NOTCH1: variants seen among roughly 807,000 people sequenced by gnomAD.
NOTCH1 encodes notch receptor 1, also known as neurogenic locus notch homolog protein 1.
NOTCH1 carries 37 observed loss-of-function variants against 254.8 expected under a neutral mutation model. That is an observed-to-expected ratio of 0.15 (90% CI 0.11 to 0.19). The LOEUF is 0.19. NOTCH1 is among the 10% of genes least tolerant of loss of function. The pLI, the probability that NOTCH1 is intolerant of heterozygous loss-of-function variation, is 1.00. For missense variants in NOTCH1, 2,972 were observed against 3,708.6 expected (o/e 0.80, Z 5.16); for synonymous variants, 1,731 against 1,618.1 (o/e 1.07, Z -1.68).
intron 16 of NOTCH1, 148 bp downstream of exon 16, chr9:136,511,004 C>A (rs930991511): frequency 1.1e-5 from 15 of 1,415,554 alleles, no homozygotes; most frequent in Admixed American, 1.8e-5. Flanking sequence ...CAGGTCAATT[C>A]CTGATTCCAG....
At position 136,506,951 on chromosome 9, in the gene NOTCH1, C is replaced by A; in HGVS notation, c.3666G>T (p.Val1222=). Residue 1222 remains valine (V), a synonymous_variant, in exon 23 of 34, where the codon GTG becomes GTT. Coordinates refer to ENST00000651671, the MANE Select transcript of NOTCH1 (RefSeq NM_017617.5). The surrounding 1 kb of genome is among the most constrained non-coding windows in gnomAD (Gnocchi z 4.5). ...GTQGVHCEIN[V]DDCNPPVDPV... ...GGTCAACGGGGGGATTGCAGTCGTC[C>A]ACGTTGATCTCACAGTGCACACCTG... The A allele has an allele frequency of 6.2e-7, 1 of 1,609,638 alleles. No homozygotes were observed. The highest frequency in any genetic ancestry group is 8.5e-7 in the Non-Finnish European group (1 of 1,178,772).
intron 2 of NOTCH1, 75 bp downstream of exon 2, chr9:136,543,949 T>C: frequency 2.2e-6 from 3 of 1,351,626 alleles, no homozygotes; most frequent in Admixed American, 3.9e-5. Flanking sequence ...CCTAGTGTTC[T>C]GTCCCCTGCG....
intron 2 of NOTCH1, among the ~76,000 whole-genome samples, chr9:136,534,986 CGTCCCCACAG>C: frequency 8.3e-6 from 1 of 121,154 alleles, no homozygotes. Context: ...CCCCCAAGTC[CGTCCCCACAG>C]AGCCCCCAGT....
intron 33 of NOTCH1, among the ~76,000 whole-genome samples, chr9:136,498,467 G>A (rs1057048292): frequency 4.6e-5 from 7 of 152,274 alleles, no homozygotes; most frequent in East Asian, 3.9e-4. Context: ...CTGCCGCCAC[G>A]CGTGTTCTGG....
At chr9:136,520,883 G>C (rs557865489) in intron 4 of NOTCH1, among the ~76,000 whole-genome samples, 3 of 152,334 alleles carry the variant, frequency 2.0e-5, no homozygotes, top group Non-Finnish European at 2.9e-5. Context: ...GGCACACAGT[G>C]GGGGAGAGGG....
At chr9:136,511,124 G>A (rs2133354272) in intron 16 of NOTCH1, 28 bp downstream of exon 16, 1 of 1,612,846 alleles carries the variant, frequency 6.2e-7, no homozygotes, top group Non-Finnish European at 8.5e-7. Flanking sequence ...TCCCATCCCA[G>A]CCCTCACCGG....
In NOTCH1 at chr9:136,505,052, G is replaced by C. The variant is rs1369806007; in HGVS notation, c.4639C>G (p.Gln1547Glu). Residue 1547 changes from glutamine (Q) to glutamate (E), a missense_variant, in exon 26 of 34, where the codon CAG (glutamine) becomes GAG (glutamate). Physicochemically the swap from Gln to Glu is conservative, Grantham distance 29 (BLOSUM62 2). Around this residue, in one of 8 missense-constraint regions of NOTCH1, gnomAD observed 1,343 missense variants for 1,557.0 expected, o/e 0.86. Transcript: ENST00000651671. ...KDHFSDGHCD[Q>E]GCNSAECEWD... is the part of the protein sequence containing the mutation. ...TCGCACTCCGCGCTGTTGCAGCCCT[G>C]GTCGCAGTGCCCGTCGCTGAAGTGG... 1.9e-6 allele frequency: 3 copies of C among 1,611,082 alleles called. No homozygotes were observed. The highest frequency in any genetic ancestry group is 1.1e-5 in the South Asian group (1 of 90,890).
At position 136,509,089 on chromosome 9, in the gene NOTCH1, G is replaced by C. The variant is rs1466889224; in HGVS notation, c.2970-18C>G. ...AGCAGGAGCTGCAAGGGGGTGGGCA[G>C]GCGGGGGCTGAGTGGAGGGCATTGG... On this transcript the variant is annotated intron_variant, in intron 18 of 33. Transcript: ENST00000651671. The C allele has an allele frequency of 4.5e-6, 7 of 1,550,526 alleles. No individual in the cohort carries two copies. The highest frequency in any genetic ancestry group is 8.7e-7 in the Non-Finnish European group (1 of 1,147,758).
At chr9:136,520,203 C>T (rs188767449) in intron 4 of NOTCH1, among the ~76,000 whole-genome samples, 4 of 152,320 alleles carry the variant, frequency 2.6e-5, no homozygotes, top group Admixed American at 2.6e-4. Context: ...CAATGATCAA[C>T]CCAGAAAGGC....
chr9:136,503,440 A>G lies in NOTCH1; in HGVS notation c.5019-110T>C, dbSNP rs565687661. 48 of 1,494,580 alleles carry G rather than the reference A, an allele frequency of 3.2e-5. No homozygotes were observed. The East Asian group carries it at 7.8e-4, about 24-fold the overall frequency. The allele number at this position is 1,494,580 out of a possible 1,614,324, so 92.6% of individuals were successfully genotyped here. ...AGGCCCATGACGCCACAGTCAGGAC[A>G]TGGTGAGGCAGCCTGGGGTGGTGGG... On this transcript the variant is annotated intron_variant, in intron 26 of 33. Coordinates refer to ENST00000651671, the MANE Select transcript of NOTCH1 (RefSeq NM_017617.5).
chr9:136,524,355 G>T (rs949082969), intron 2 of NOTCH1, among the ~76,000 whole-genome samples: 2 of 152,196 alleles, frequency 1.3e-5, no homozygotes, highest in African/African-American at 4.8e-5. Context: ...ACAAGCTAGA[G>T]ACTAGGATGT....
intron 4 of NOTCH1, among the ~76,000 whole-genome samples, chr9:136,521,411 G>A (rs1224448600): frequency 1.3e-5 from 2 of 151,954 alleles, no homozygotes; most frequent in Admixed American, 1.3e-4. Context: ...CTCTGAGCCG[G>A]CCCAGCACCC....
chr9:136,510,982 G>A (rs1465153719), intron 16 of NOTCH1, among the ~76,000 whole-genome samples, 170 bp downstream of exon 16: 1 of 152,210 alleles, frequency 6.6e-6, no homozygotes, highest in African/African-American at 2.4e-5. Context: ...CTGGAGTTGG[G>A]AACGGTGCTC....
intron 2 of NOTCH1, among the ~76,000 whole-genome samples, chr9:136,534,725 G>C (rs978206205): frequency 6.6e-6 from 1 of 152,016 alleles, no homozygotes; most frequent in African/African-American, 2.4e-5. Flanking sequence ...CTGTGATTGC[G>C]AGGACCCCGA....
chr9:136,505,946 AC>A, intron 24 of NOTCH1, 65 bp from the exon 25 acceptor site: 1 of 1,439,874 alleles, frequency 6.9e-7, no homozygotes, highest in Non-Finnish European at 9.3e-7. Context: ...GCCACCTCAC[AC>A]CCAGCCCTCG....
chr9:136,496,329 G>A lies in NOTCH1; in HGVS notation c.7410C>T (p.Ser2470=), dbSNP rs777059689. The change falls in exon 34 of 34, where the codon TCC becomes TCT. Residue 2470 remains serine, a synonymous_variant. Coordinates refer to ENST00000651671, the MANE Select transcript of NOTCH1 (RefSeq NM_017617.5). ...CTGCGGTCACGGGTGGGACCAGCGA[G>A]GATGGCAGCGACGTGGGCAGGGCGG... ...ESPALPTSLP[S]SLVPPVTAAQ... is the part of the protein sequence containing the mutation. The A allele has an allele frequency of 6.3e-7, 1 of 1,594,308 alleles. No individual in the cohort carries two copies. Among genetic ancestry groups the A allele is most frequent in the Non-Finnish European group, 8.5e-7 (1 of 1,171,136 alleles).
Position 136,514,534 on chromosome 9 carries a change from C to T in NOTCH1, c.2183G>A (p.Gly728Glu), listed in dbSNP as rs2133360471. ...CCCGTTGAGGCTGTCCCGGCAGGCCCCGTGGACGCAGGGGTTGCTGTTGCA... is the reference window on the plus strand; with the variant it reads ...CCCGTTGAGGCTGTCCCGGCAGGCCTCGTGGACGCAGGGGTTGCTGTTGCA... ...NECNSNPCVHGACRDSLNGYK... is the reference protein window; with the variant it reads ...NECNSNPCVHEACRDSLNGYK... The change falls in exon 13 of 34, where the codon GGG (glycine) becomes GAG (glutamate). Residue 728 changes from glycine (G) to glutamate (E), a missense_variant. Coordinates refer to ENST00000651671, the MANE Select transcript of NOTCH1 (RefSeq NM_017617.5). 2 of 1,594,390 alleles carry T rather than the reference C, an allele frequency of 1.3e-6. No homozygotes were observed. The highest frequency in any genetic ancestry group is 1.7e-6 in the Non-Finnish European group (2 of 1,171,696).
Position 136,508,120 on chromosome 9 carries a change from C to T in NOTCH1, c.3345G>A (p.Leu1115=), listed in dbSNP as rs752440904. ...CCACACAGAGCCCTCCATGCTGGCA[C>T]AGGCGGGCAACGTCAACACCTGCGG... The part of the protein sequence containing the change: ...AQRQGVDVAR[L]CQHGGLCVDA... The change falls in exon 21 of 34, where the codon CTG becomes CTA. Residue 1115 remains leucine (L), a synonymous_variant. Coordinates refer to ENST00000651671, the MANE Select transcript of NOTCH1 (RefSeq NM_017617.5). 1 of 1,608,390 alleles carries T rather than the reference C, an allele frequency of 6.2e-7. No individual in the cohort carries two copies. The highest frequency in any genetic ancestry group is 1.1e-5 in the South Asian group (1 of 91,072).
In NOTCH1 at chr9:136,513,110, T is replaced by A; in HGVS notation, c.2378A>T (p.Asn793Ile). 2 of 1,611,656 alleles carry A rather than the reference T, an allele frequency of 1.2e-6. No individual in the cohort carries two copies. Among genetic ancestry groups the A allele is most frequent in the Non-Finnish European group, 1.7e-6 (2 of 1,179,270 alleles). Residue 793 changes from asparagine (N) to isoleucine (I), a missense_variant, in exon 15 of 34, where the codon AAC becomes ATC. Around this residue, in one of 8 missense-constraint regions of NOTCH1, gnomAD observed 1,343 missense variants for 1,557.0 expected, o/e 0.86. Coordinates refer to ENST00000651671, the MANE Select transcript of NOTCH1 (RefSeq NM_017617.5). The surrounding 1 kb of genome is among the most constrained non-coding windows in gnomAD (Gnocchi z 4.7). ...FSGPNCQTNI[N>I]ECASNPCLNQ... ...CAGACATGGGTTGGACGCACACTCG[T>A]TGATGTTGGTCTGGCAGTTGGGACC... is the stretch of plus-strand genomic sequence containing the variant.
Sources: gnomAD v4.1 joint callset for allele counts (sites outside exome capture counted in the v4.1 genomes callset) on GRCh38, gnomAD v4.1.1 for gene constraint, gnomAD v4.1.1 regional missense constraint, Gnocchi (gnomAD v3.1) non-coding constraint, MANE v1.5 for transcripts, NCBI Gene and HGNC (gene_info 2026-07-23, HGNC 2026-07-21) for gene names.